Variants in EYS observed in about 807,000 individuals in gnomAD.
The protein encoded by EYS is protein eyes shut homolog.
A neutral mutation model predicts 282.1 loss-of-function variants in EYS; 250 were observed. That is an observed-to-expected ratio of 0.89 (90% CI 0.80 to 0.98). The LOEUF (loss-of-function observed/expected upper bound fraction) is 0.98, where lower values mean the gene tolerates loss of function less well. Among genes scored for constraint, EYS ranks in the 50% least tolerant of loss-of-function variants. The pLI is 0.00. For missense variants in EYS, 4,016 were observed against 3,709.0 expected, an observed-to-expected ratio of 1.08 and a Z score of -2.15; for synonymous variants, 1,355 against 1,282.9, an observed-to-expected ratio of 1.06 and a Z score of -1.20.
intron 24 of EYS, among the ~76,000 whole-genome samples, chr6:64,603,861 C>CTGTGTGTGTGTGTGTGTGTG (rs34430318): frequency 4.0e-5 from 6 of 148,184 alleles, no homozygotes; most frequent in Admixed American, 1.4e-4. Flanking sequence ...AAATGAATAC[C>CTGTGTGTGTGTGTGTGTGTG]TGTGTGTGTG....
intron 12 of EYS, among the ~76,000 whole-genome samples, chr6:65,186,273 A>G (rs1167827548): frequency 2.0e-5 from 3 of 151,760 alleles, no homozygotes; most frequent in Non-Finnish European, 2.9e-5. Flanking sequence ...TGCTCCTGCC[A>G]ATTTGTGAGA....
chr6:65,357,602 A>G (rs1179611862), intron 8 of EYS, among the ~76,000 whole-genome samples: 1 of 152,010 alleles, frequency 6.6e-6, no homozygotes, highest in Non-Finnish European at 1.5e-5. Context: ...CCTAAGGAAC[A>G]ATTGTTATAT....
At chr6:64,525,277 T>G (rs2150528233) in intron 26 of EYS, among the ~76,000 whole-genome samples, 2 of 151,826 alleles carry the variant, frequency 1.3e-5, no homozygotes, top group South Asian at 4.2e-4. Context: ...TCAACCTAAA[T>G]GCCCATCAAT....
intron 30 of EYS, among the ~76,000 whole-genome samples, chr6:64,298,252 C>G (rs1260940109): frequency 6.6e-6 from 1 of 152,044 alleles, no homozygotes; most frequent in Non-Finnish European, 1.5e-5. Context: ...CAGATTAATA[C>G]ATTAAAATTG....
chr6:65,673,461 A>G (rs1004375620), intron 1 of EYS, among the ~76,000 whole-genome samples: 9 of 152,134 alleles, frequency 5.9e-5, no homozygotes, highest in African/African-American at 2.2e-4. Flanking sequence ...TAAGAGAAAG[A>G]GAAAAACAGG....
At chr6:64,475,898 C>T (rs1218009364) in intron 26 of EYS, among the ~76,000 whole-genome samples, 1 of 152,088 alleles carries the variant, frequency 6.6e-6, no homozygotes, top group African/African-American at 2.4e-5. Flanking sequence ...GCTATCTTCC[C>T]ACCTCAGCCT....
At chr6:65,051,762 A>G (rs960799748) in intron 13 of EYS, among the ~76,000 whole-genome samples, 7 of 151,484 alleles carry the variant, frequency 4.6e-5, no homozygotes, top group African/African-American at 1.7e-4. Context: ...GATCCCACTT[A>G]TGTGTGGAAT....
chr6:64,064,031 C>T (rs186351848), intron 33 of EYS, among the ~76,000 whole-genome samples: 6 of 152,268 alleles, frequency 3.9e-5, no homozygotes, highest in Admixed American at 1.3e-4. Context: ...ATAACCACTG[C>T]TTTGCCTGTG....
chr6:65,231,513 A>G (rs1408337398), intron 12 of EYS, among the ~76,000 whole-genome samples: 3 of 151,796 alleles, frequency 2.0e-5, no homozygotes, highest in African/African-American at 7.2e-5. Context: ...GAAAATCATC[A>G]TGATGGCTCA....
At chr6:65,588,757 T>C (rs1443598437) in intron 2 of EYS, among the ~76,000 whole-genome samples, 3 of 152,042 alleles carry the variant, frequency 2.0e-5, no homozygotes, top group Non-Finnish European at 2.9e-5. Flanking sequence ...TCATCATAAC[T>C]ACGTGTCTCT....
intron 26 of EYS, among the ~76,000 whole-genome samples, chr6:64,440,955 G>T (rs959775411): frequency 1.3e-5 from 2 of 152,112 alleles, no homozygotes; most frequent in Admixed American, 6.5e-5. Flanking sequence ...TAAGACATCT[G>T]TTTGAAAACA....
chr6:65,492,171 A>G (rs1235448995), intron 4 of EYS, among the ~76,000 whole-genome samples: 1 of 152,178 alleles, frequency 6.6e-6, no homozygotes, highest in Non-Finnish European at 1.5e-5. Context: ...GATTTTTAAA[A>G]TTGAAGTAAT....
chr6:64,640,626 G>A (rs1185891802), intron 22 of EYS, among the ~76,000 whole-genome samples: 1 of 151,766 alleles, frequency 6.6e-6, no homozygotes, highest in Non-Finnish European at 1.5e-5. Context: ...GCTAAATGAC[G>A]AGTTAATGGG....
At chr6:65,395,777 T>C (rs964311780) in intron 7 of EYS, among the ~76,000 whole-genome samples, 2 of 152,170 alleles carry the variant, frequency 1.3e-5, no homozygotes, top group Non-Finnish European at 2.9e-5. Context: ...ATTTACTATT[T>C]CTATGTCTTG....
chr6:64,125,194 A>ATCTCTCTC (rs1562213634), intron 31 of EYS, among the ~76,000 whole-genome samples: 2 of 146,088 alleles, frequency 1.4e-5, no homozygotes, highest in African/African-American at 5.3e-5. Context: ...CTCTCTCTCA[A>ATCTCTCTC]GGAGTAATGA....
intron 22 of EYS, among the ~76,000 whole-genome samples, chr6:64,745,048 T>C (rs1054546181): frequency 4.6e-5 from 7 of 152,186 alleles, no homozygotes; most frequent in African/African-American, 1.4e-4. Flanking sequence ...CCTACAGCCC[T>C]CGTTTGTCCT....
intron 2 of EYS, among the ~76,000 whole-genome samples, chr6:65,584,605 A>T (rs1019782275): frequency 3.3e-5 from 5 of 151,908 alleles, no homozygotes; most frequent in African/African-American, 1.2e-4. Flanking sequence ...ATACCTTCAA[A>T]CGAATCATTT....
At chr6:63,875,206 C>T (rs1431405524) in intron 35 of EYS, among the ~76,000 whole-genome samples, 1 of 152,136 alleles carries the variant, frequency 6.6e-6, no homozygotes, top group Non-Finnish European at 1.5e-5. Flanking sequence ...TGTCAAAGCC[C>T]TTTTCTGCAT....
At chr6:65,144,614 T>C (rs1170508267) in intron 12 of EYS, among the ~76,000 whole-genome samples, 1 of 152,134 alleles carries the variant, frequency 6.6e-6, no homozygotes, top group Non-Finnish European at 1.5e-5. Flanking sequence ...AAAAAACTCT[T>C]ACTTTTTTCT....
Sources: allele counts gnomAD v4.1 joint callset (sites outside exome capture counted in the v4.1 genomes callset), GRCh38; gene constraint gnomAD v4.1.1; transcripts MANE v1.5; gene names NCBI Gene and HGNC (gene_info 2026-07-23, HGNC 2026-07-21).